Variants in NEO1 observed in about 807,000 individuals in gnomAD.
NEO1 encodes the protein neogenin 1.
Under a neutral mutation model 159.7 loss-of-function variants are expected in NEO1, and 63 were observed. That is an observed-to-expected ratio of 0.39 (90% confidence interval 0.32 to 0.49). The LOEUF is 0.49. NEO1 is among the 20% of genes least tolerant of loss of function. The pLI is 0.85. For missense variants in NEO1, 1,615 were observed against 1,831.0 expected (o/e 0.88, Z 2.15); for synonymous variants, 633 against 662.0 (o/e 0.96, Z 0.67).
At chr15:73,116,906 T>C (rs774119302) in intron 2 of NEO1, 49 bp downstream of exon 2, 6 of 1,381,154 alleles carry the variant, frequency 4.3e-6, no homozygotes, top group Admixed American at 2.4e-5. Context: ...ATTTATAACA[T>C]ACATCTTGAT....
chr15:73,135,840 A>G (rs1233193817), intron 4 of NEO1, 51 bp from the exon 5 acceptor site: 2 of 1,389,880 alleles, frequency 1.4e-6, no homozygotes, highest in Admixed American at 6.4e-5. Context: ...TTCAGGTATT[A>G]TTTTCCTAGT....
chr15:73,273,935 C>G lies in NEO1; in HGVS notation c.3090C>G (p.Phe1030Leu), dbSNP rs1437648369. Residue 1030 changes from phenylalanine (F) to leucine (L), a missense_variant, in exon 20 of 29, where the codon TTC becomes TTG. Transcript: ENST00000261908. ...TAACTCTTGACACACCATACTACTTCAAAATCCAGGCACGGAACTCAAAGG... is the reference window on the plus strand; with the variant it reads ...TAACTCTTGACACACCATACTACTTGAAAATCCAGGCACGGAACTCAAAGG... ...QELTLDTPYY[F>L]KIQARNSKGM... The G allele has an allele frequency of 5.6e-6, 9 of 1,614,148 alleles. No homozygotes were observed. Among genetic ancestry groups the G allele is most frequent in the Non-Finnish European group, 7.6e-6 (9 of 1,180,018 alleles).
chr15:73,299,963 A>C (rs2042549808), intron 27 of NEO1: 1 of 152,218 alleles, frequency 6.6e-6, no homozygotes, highest in Admixed American at 6.5e-5. Flanking sequence ...GTAGTTTTTT[A>C]AAGGTTTGTT....
intron 1 of NEO1, 95 bp from the exon 2 acceptor site, chr15:73,116,445 C>A: frequency 1.0e-6 from 1 of 997,986 alleles, no homozygotes; most frequent in Non-Finnish European, 1.4e-6. Flanking sequence ...CAAAGAACAA[C>A]AGTTAATAAT....
intron 12 of NEO1, among the ~76,000 whole-genome samples, 156 bp downstream of exon 12, chr15:73,253,605 A>G (rs1393107114): frequency 6.6e-6 from 1 of 152,144 alleles, no homozygotes; most frequent in Admixed American, 6.5e-5. Context: ...ATAAATTAGA[A>G]CGTAAGTGAA....
At chr15:73,258,725 A>G (rs377176160) in intron 13 of NEO1, 41 bp from the exon 14 acceptor site, 169 of 1,532,256 alleles carry the variant, frequency 1.1e-4, no homozygotes, top group Non-Finnish European at 1.4e-4. Context: ...TGTTTTTCCA[A>G]AGCTCTTGTT....
intron 1 of NEO1, among the ~76,000 whole-genome samples, chr15:73,061,723 T>C (rs1158523868): frequency 1.3e-5 from 2 of 152,222 alleles, no homozygotes; most frequent in Non-Finnish European, 2.9e-5. Context: ...GTAATCACTT[T>C]TAATAGCTAT....
chr15:73,102,524 G>T (rs2070457533), intron 1 of NEO1, among the ~76,000 whole-genome samples: 1 of 152,140 alleles, frequency 6.6e-6, no homozygotes, highest in Non-Finnish European at 1.5e-5. Context: ...TTCTTGCCTG[G>T]ATCATCAGTG....
At chr15:73,134,712 G>C (rs1395807001) in intron 4 of NEO1, among the ~76,000 whole-genome samples, 1 of 151,972 alleles carries the variant, frequency 6.6e-6, no homozygotes, top group Non-Finnish European at 1.5e-5. Context: ...ACCACGCCTG[G>C]CTAATTTTTG....
chr15:73,258,355 C>G (rs868482998), intron 13 of NEO1, among the ~76,000 whole-genome samples: 1 of 152,168 alleles, frequency 6.6e-6, no homozygotes, highest in Admixed American at 6.5e-5. Context: ...GCATTCTTTC[C>G]TAGGTTTTAG....
At chr15:73,095,152 T>C (rs926294939) in intron 1 of NEO1, among the ~76,000 whole-genome samples, 5 of 151,104 alleles carry the variant, frequency 3.3e-5, no homozygotes, top group Admixed American at 2.0e-4. Context: ...GAGGTTGTAG[T>C]GAGCTGAGAT....
intron 1 of NEO1, among the ~76,000 whole-genome samples, chr15:73,070,087 C>T (rs917920054): frequency 2.0e-5 from 3 of 152,136 alleles, no homozygotes; most frequent in Non-Finnish European, 4.4e-5. Context: ...ATACTCTGTA[C>T]AGAGAGTTGG....
In NEO1 at chr15:73,270,226, A is replaced by G. The variant is rs753339245; in HGVS notation, c.2711A>G (p.Lys904Arg). The G allele has an allele frequency of 1.2e-6, 2 of 1,614,202 alleles. No homozygotes were observed. The highest frequency in any genetic ancestry group is 1.7e-6 in the Non-Finnish European group (2 of 1,180,026). ...AAAACCAACATCCCAGCAAACACCAAGTACAAGGTACTGACACATTTGCCC... is the reference window on the plus strand; with the variant it reads ...AAAACCAACATCCCAGCAAACACCAGGTACAAGGTACTGACACATTTGCCC... ...RWKTNIPANTKYKNANATTLS... is the reference protein window; with the variant it reads ...RWKTNIPANTRYKNANATTLS... Residue 904 changes from lysine to arginine, a missense_variant, in exon 17 of 29, where the codon AAG becomes AGG. By Grantham distance (26) the Lys-to-Arg change is conservative (BLOSUM62 2). Coordinates refer to ENST00000261908, the MANE Select transcript of NEO1 (RefSeq NM_002499.4).
intron 15 of NEO1, among the ~76,000 whole-genome samples, chr15:73,264,187 A>G (rs575637954): frequency 6.6e-6 from 1 of 152,226 alleles, no homozygotes; most frequent in African/African-American, 2.4e-5. Context: ...CTTTGTCTGA[A>G]AAGAAAAAAA....
chr15:73,117,426 T>G (rs1340639494), intron 2 of NEO1, among the ~76,000 whole-genome samples: 1 of 152,060 alleles, frequency 6.6e-6, no homozygotes, highest in Admixed American at 6.6e-5. Flanking sequence ...TCTTGAAGAG[T>G]AAGATGTGGT....
intron 1 of NEO1, among the ~76,000 whole-genome samples, chr15:73,097,857 C>G (rs1407379291): frequency 7.6e-6 from 1 of 131,030 alleles, no homozygotes; most frequent in Non-Finnish European, 1.5e-5. Context: ...ATGGAAAGTG[C>G]TCATTGCCAC....
At chr15:73,177,449 A>G (rs1269772361) in intron 6 of NEO1, among the ~76,000 whole-genome samples, 1 of 152,230 alleles carries the variant, frequency 6.6e-6, no homozygotes, top group Admixed American at 6.5e-5. Context: ...TTTAACATTA[A>G]AAAGCAATCT....
At chr15:73,268,256 A>G (rs1213321725) in intron 16 of NEO1, among the ~76,000 whole-genome samples, 1 of 152,250 alleles carries the variant, frequency 6.6e-6, no homozygotes, top group Non-Finnish European at 1.5e-5. Context: ...GTGGTCTGCT[A>G]CTTTCTAAAA....
chr15:73,156,989 G>C (rs1327756219), intron 5 of NEO1, among the ~76,000 whole-genome samples: 1 of 152,218 alleles, frequency 6.6e-6, no homozygotes, highest in African/African-American at 2.4e-5. Flanking sequence ...AGCAGCCACA[G>C]ATGTGGCTTG....
Sources: gnomAD v4.1 joint callset for allele counts (sites outside exome capture counted in the v4.1 genomes callset) on GRCh38, gnomAD v4.1.1 for gene constraint, MANE v1.5 for transcripts, NCBI Gene and HGNC (gene_info 2026-07-23, HGNC 2026-07-21) for gene names.